MUSK: variants seen among roughly 807,000 people sequenced by gnomAD.
MUSK encodes the protein muscle associated receptor tyrosine kinase.
MUSK carries 55 observed loss-of-function variants against 88.7 expected under a neutral mutation model. That is an observed-to-expected ratio of 0.62 (90% CI 0.50 to 0.78). The LOEUF (loss-of-function observed/expected upper bound fraction) is 0.78, where lower values mean the gene tolerates loss of function less well. Ranked by LOEUF, MUSK falls within the 30% of genes least tolerant of loss-of-function variation. The pLI is 0.00. For missense variants in MUSK, 1,015 were observed against 1,074.3 expected, an observed-to-expected ratio of 0.94 and a Z score of 0.77; for synonymous variants, 387 against 391.9, an observed-to-expected ratio of 0.99 and a Z score of 0.15.
chr9:110,689,018 A>G (rs1328452100), intron 3 of MUSK, among the ~76,000 whole-genome samples: 1 of 142,878 alleles, frequency 7.0e-6, no homozygotes, highest in Non-Finnish European at 1.5e-5. Context: ...AAACATATTT[A>G]AATATAAATA....
intron 1 of MUSK, among the ~76,000 whole-genome samples, chr9:110,677,448 G>A (rs897773163): frequency 6.6e-6 from 1 of 152,130 alleles, no homozygotes; most frequent in Non-Finnish European, 1.5e-5. Context: ...TTTGTGAAAC[G>A]TGTGCTACTC....
At chr9:110,772,101 GT>G (rs1462793942) in intron 9 of MUSK, among the ~76,000 whole-genome samples, 2 of 149,524 alleles carry the variant, frequency 1.3e-5, no homozygotes, top group African/African-American at 2.4e-5. Flanking sequence ...ATTATATATA[GT>G]TTATATATAA....
At chr9:110,707,936 G>A (rs901774290) in intron 5 of MUSK, among the ~76,000 whole-genome samples, 13 of 152,142 alleles carry the variant, frequency 8.5e-5, no homozygotes, top group East Asian at 1.9e-4. Context: ...GGACACCTGC[G>A]TGCTGCCAGC....
In MUSK at chr9:110,741,814, T is replaced by C. The variant is rs116355567; in HGVS notation, c.754-5827T>C. 2.7e-3 allele frequency among the ~76,000 whole-genome samples: 404 copies of C among 152,232 alleles called. 3 individuals carry two copies. The highest frequency in any genetic ancestry group is 9.5e-3 in the African/African-American group (395 of 41,540). On this transcript the variant is annotated intron_variant, in intron 6 of 14. Coordinates refer to ENST00000374448, the MANE Select transcript of MUSK (RefSeq NM_005592.4). ...GAGGCATGGTAGAATGAGAATTAGA[T>C]GGGGAGTTGGAAGACTGAGGTTGTA... is the stretch of plus-strand genomic sequence containing the variant.
intron 7 of MUSK, among the ~76,000 whole-genome samples, chr9:110,755,951 C>CATATATATATATACATATATATATATAT (rs1564268679): frequency 2.9e-5 from 3 of 101,784 alleles, no homozygotes; most frequent in African/African-American, 8.5e-5. Context: ...TATATATATA[C>CATATATATATATACATATATATATATAT]ACATATATAT....
Position 110,783,939 on chromosome 9 carries a change from CT to C in MUSK, c.1385-871del, listed in dbSNP as rs533442633. Among the ~76,000 whole-genome samples, 890 of 151,812 alleles carry C rather than the reference CT, an allele frequency of 5.9e-3. 9 individuals are homozygous for C. The highest frequency in any genetic ancestry group is 0.021 in the African/African-American group (855 of 41,466). On this transcript the variant is annotated intron_variant, in intron 11 of 14. Coordinates refer to ENST00000374448, the MANE Select transcript of MUSK (RefSeq NM_005592.4). ...TGATCAAAAAGTCATTGATTTTTTT[CT>C]TTTTAAAAATGTCCCATTGGATTTT...
chr9:110,683,306 G>A (rs973592479), intron 2 of MUSK, among the ~76,000 whole-genome samples: 1 of 152,016 alleles, frequency 6.6e-6, no homozygotes, highest in Non-Finnish European at 1.5e-5. Flanking sequence ...GCAAATGACT[G>A]GATCTCATTC....
intron 1 of MUSK, among the ~76,000 whole-genome samples, chr9:110,675,191 T>G (rs2131628936): frequency 6.6e-6 from 1 of 150,438 alleles, no homozygotes; most frequent in South Asian, 2.1e-4. Flanking sequence ...GGGATGTGAA[T>G]TCAAGTCCTG....
intron 7 of MUSK, among the ~76,000 whole-genome samples, chr9:110,753,488 T>C (rs2077273845): frequency 6.8e-6 from 1 of 147,962 alleles, no homozygotes; most frequent in Non-Finnish European, 1.5e-5. Context: ...AGAAATAAAA[T>C]ACATATTTGT....
chr9:110,755,935 T>C (rs1306539503), intron 7 of MUSK, among the ~76,000 whole-genome samples: 2 of 77,662 alleles, frequency 2.6e-5, no homozygotes, highest in South Asian at 8.7e-4. Context: ...TATATATACA[T>C]ATATATATAT....
At chr9:110,719,387 T>C (rs539195114) in intron 5 of MUSK, among the ~76,000 whole-genome samples, 35 of 152,022 alleles carry the variant, frequency 2.3e-4, no homozygotes, top group African/African-American at 8.2e-4. Flanking sequence ...GGTAAAGGGG[T>C]AGAAAAACAT....
At chr9:110,799,913 C>T (rs747319193) in intron 14 of MUSK, among the ~76,000 whole-genome samples, 26 of 152,028 alleles carry the variant, frequency 1.7e-4, no homozygotes, top group Non-Finnish European at 3.4e-4. Flanking sequence ...CAGGGTTCAA[C>T]CATGGTGTTG....
intron 5 of MUSK, among the ~76,000 whole-genome samples, chr9:110,710,933 G>A (rs1183131248): frequency 6.6e-6 from 1 of 152,168 alleles, no homozygotes; most frequent in Non-Finnish European, 1.5e-5. Flanking sequence ...AAAATGATGA[G>A]TTCATGTCCT....
At chr9:110,695,812 C>A (rs2076423638) in intron 4 of MUSK, among the ~76,000 whole-genome samples, 1 of 151,630 alleles carries the variant, frequency 6.6e-6, no homozygotes, top group African/African-American at 2.4e-5. Flanking sequence ...CTGGCTAAAT[C>A]ATTTATTTTT....
At chr9:110,737,718 T>A (rs192405538) in intron 6 of MUSK, among the ~76,000 whole-genome samples, 95 of 152,264 alleles carry the variant, frequency 6.2e-4, no homozygotes, top group African/African-American at 2.1e-3. Context: ...TACCAATAAT[T>A]ACTGCTTCTC....
At position 110,800,396 on chromosome 9, in the gene MUSK, A is replaced by C. The variant is rs555724845; in HGVS notation, c.2018A>C (p.His673Pro). ...LNEFLRSMSPHTVCSLSHSDL... is the reference protein window; with the variant it reads ...LNEFLRSMSPPTVCSLSHSDL... ...GAGTTCCTCCGCAGCATGTCCCCTC[A>C]CACCGTGTGCAGCCTCAGTCACAGT... The change falls in exon 15 of 15, where the codon CAC becomes CCC. Residue 673 changes from histidine to proline, a missense_variant. Coordinates refer to ENST00000374448, the MANE Select transcript of MUSK (RefSeq NM_005592.4). 1.9e-6 allele frequency: 3 copies of C among 1,613,774 alleles called. No homozygotes were observed. Among genetic ancestry groups the C allele is most frequent in the East Asian group, 4.5e-5 (2 of 44,856 alleles).
Position 110,734,214 on chromosome 9 carries a change from G to T in MUSK, c.629-37G>T, listed in dbSNP as rs182925904. The T allele has an allele frequency of 3.6e-5, 57 of 1,585,010 alleles. No homozygotes were observed. In the East Asian group the frequency reaches 1.2e-3, roughly 33 times the overall value. ...GACCACCCTAGCTTGACCATTTCCT[G>T]CAGGAGCGTCACTCACCACTTCTGT... On this transcript the variant is annotated intron_variant, in intron 5 of 14. Transcript: ENST00000374448.
intron 3 of MUSK, among the ~76,000 whole-genome samples, chr9:110,691,262 AT>A (rs1195286035): frequency 5.9e-5 from 9 of 152,090 alleles, no homozygotes; most frequent in Admixed American, 5.2e-4. Context: ...TGTCACTCTC[AT>A]CATGGACATT....
At chr9:110,767,231 A>G (rs2077498711) in intron 8 of MUSK, among the ~76,000 whole-genome samples, 1 of 152,220 alleles carries the variant, frequency 6.6e-6, no homozygotes, top group Admixed American at 6.5e-5. Context: ...CTCCTCTGGA[A>G]GCCATATTTC....
Sources: allele counts gnomAD v4.1 joint callset (sites outside exome capture counted in the v4.1 genomes callset), GRCh38; gene constraint gnomAD v4.1.1; transcripts MANE v1.5; gene names NCBI Gene and HGNC (gene_info 2026-07-23, HGNC 2026-07-21).